CARD10: variants seen among roughly 807,000 people sequenced by gnomAD.
The protein encoded by CARD10 is caspase recruitment domain family member 10, also known as caspase recruitment domain-containing protein 10.
In CARD10, 49 loss-of-function variants were observed where a neutral mutation model predicts 114.6. That is an observed-to-expected ratio of 0.43 (90% confidence interval 0.34 to 0.54). CARD10 has a LOEUF of 0.54. Ranked by LOEUF, CARD10 falls within the 20% of genes least tolerant of loss-of-function variation. CARD10 has a pLI of 0.03. For synonymous variants in CARD10, 602 were observed against 593.2 expected (o/e 1.01, Z -0.21); for missense variants, 1,206 against 1,397.2 (o/e 0.86, Z 2.18).
rs1922820689 is a variant in CARD10 at position 37,492,007 on chromosome 22, G to A, written c.2752-140C>T. The A allele has an allele frequency of 1.1e-5, 7 of 649,150 alleles. No homozygotes were observed. The highest frequency in any genetic ancestry group is 3.5e-4 in the Middle Eastern group (1 of 2,878). 40.2% of individuals were successfully genotyped at this position (649,150 alleles called of 1,614,324 possible). On this transcript the variant is annotated intron_variant, in intron 18 of 19. Transcript: ENST00000251973. The surrounding 1 kb of genome is among the most constrained non-coding windows in gnomAD (Gnocchi z 5.7). ...CCACCCAGAGGGACCCTGGCAACGA[G>A]GAAGGAGCCCAAAAGTACAGACAAG...
At chr22:37,498,351 G>C (rs930645283) in intron 11 of CARD10, among the ~76,000 whole-genome samples, 2 of 152,214 alleles carry the variant, frequency 1.3e-5, no homozygotes, top group African/African-American at 4.8e-5. Flanking sequence ...CCTGTCCCTG[G>C]ATGAGAAAAG....
At position 37,506,373 on chromosome 22, in the gene CARD10, C is replaced by T; in HGVS notation, c.1202G>A (p.Ser401Asn). ...IEKERDQAIQ[S>N]RDRIQLQYSQ... ...GTACTGCAACTGGATCCGGTCACGG[C>T]TCTGGATGGCCTAGGGTTGGGGGAG... is the stretch of plus-strand genomic sequence containing the variant. The change falls in exon 7 of 20, where the codon AGC becomes AAC. Residue 401 changes from serine (S) to asparagine (N), a missense_variant. Coordinates refer to ENST00000251973, the MANE Select transcript of CARD10 (RefSeq NM_014550.4). The T allele has an allele frequency of 6.3e-7, 1 of 1,586,044 alleles. No individual in the cohort carries two copies. The highest frequency in any genetic ancestry group is 2.3e-5 in the East Asian group (1 of 43,438).
In CARD10 at chr22:37,501,216, C is replaced by T. The variant is rs1205365069; in HGVS notation, c.1787+1386G>A. Among the ~76,000 whole-genome samples, 1 of 152,170 alleles carries T rather than the reference C, an allele frequency of 6.6e-6. No homozygotes were observed. The highest frequency in any genetic ancestry group is 1.5e-5 in the Non-Finnish European group (1 of 68,012). ...TGTGTTCTTCCCCAGGAACCTCTCT[C>T]CTCCCCAGGAACAGCATGGGCAGCA... On this transcript the variant is annotated intron_variant, in intron 11 of 19. Coordinates refer to ENST00000251973, the MANE Select transcript of CARD10 (RefSeq NM_014550.4). This position sits in a 1 kb window ranked among gnomAD's most constrained non-coding sequence, Gnocchi z 5.4.
chr22:37,491,438 C>G (rs1922771527), intron 19 of CARD10, 45 bp from the exon 20 acceptor site: 1 of 1,361,836 alleles, frequency 7.3e-7, no homozygotes, highest in Non-Finnish European at 9.7e-7. Flanking sequence ...GGGACCAAGA[C>G]AGACAGAGAG....
In CARD10 at chr22:37,491,106, A is replaced by T; in HGVS notation, c.*53T>A. 1.4e-6 allele frequency: 2 copies of T among 1,405,640 alleles called. No homozygotes were observed. Among genetic ancestry groups the T allele is most frequent in the South Asian group, 1.2e-5 (1 of 80,460 alleles). 87.1% of individuals were successfully genotyped at this position (1,405,640 alleles called of 1,614,324 possible). A position where few individuals can be genotyped will look rare whatever the true frequency, so the allele number is the denominator to read the frequency against. On this transcript the variant is annotated 3_prime_UTR_variant, in exon 20 of 20. Transcript: ENST00000251973. ...GGGTGGGAGGGCCCAGCTTCACCAT[A>T]GACACCAGGGTCCACGCTGGCTTGG...
chr22:37,510,429 C>T lies in CARD10; in HGVS notation c.700-8G>A, dbSNP rs1452770431. ...GAGCTTGAGCTGATCCACCTGGAGCCCAAGACATGGGTCAGCCCAGAGGGA... is the reference window on the plus strand; with the variant it reads ...GAGCTTGAGCTGATCCACCTGGAGCTCAAGACATGGGTCAGCCCAGAGGGA... On this transcript the variant is annotated splice_region_variant and splice_polypyrimidine_tract_variant and intron_variant, in intron 3 of 19. Coordinates refer to ENST00000251973, the MANE Select transcript of CARD10 (RefSeq NM_014550.4). 6.2e-7 allele frequency: 1 copy of T among 1,612,958 alleles called. No homozygotes were observed. The highest frequency in any genetic ancestry group is 8.5e-7 in the Non-Finnish European group (1 of 1,179,656).
At position 37,504,772 on chromosome 22, in the gene CARD10, G is replaced by A. The variant is rs1923346422; in HGVS notation, c.1384-3C>T. On this transcript the variant is annotated splice_region_variant and splice_polypyrimidine_tract_variant and intron_variant, in intron 7 of 19. Transcript: ENST00000251973. ...AGGGAATGGGAGGAGGCACAGGCCT[G>A]GAAGAGGGAGAGGAGAGGAAGGAGG... 3 of 1,522,590 alleles carry A rather than the reference G, an allele frequency of 2.0e-6. No individual in the cohort carries two copies. Among genetic ancestry groups the A allele is most frequent in the African/African-American group, 1.4e-5 (1 of 71,168 alleles). 94.3% of individuals were successfully genotyped at this position (1,522,590 alleles called of 1,614,324 possible).
In CARD10 at chr22:37,494,191, G is replaced by A. The variant is rs781380518; in HGVS notation, c.2374-3C>T. Reference sequence around the variant, plus strand: ...TGGTCCAGGGCTCTCTTCTTCAGCTGGGAGGGTGCAGGGACAGAGGAGCAT... The same window carrying A: ...TGGTCCAGGGCTCTCTTCTTCAGCTAGGAGGGTGCAGGGACAGAGGAGCAT... On this transcript the variant is annotated splice_region_variant and splice_polypyrimidine_tract_variant and intron_variant, in intron 15 of 19. Coordinates refer to ENST00000251973, the MANE Select transcript of CARD10 (RefSeq NM_014550.4). 7 of 1,548,986 alleles carry A rather than the reference G, an allele frequency of 4.5e-6. No homozygotes were observed. The highest frequency in any genetic ancestry group is 2.0e-5 in the Admixed American group (1 of 51,186).
In CARD10 at chr22:37,507,327, C is replaced by T. The variant is rs565382817; in HGVS notation, c.1191+502G>A. Among the ~76,000 whole-genome samples, 10 of 152,298 alleles carry T rather than the reference C, an allele frequency of 6.6e-5. No homozygotes were observed. In the South Asian group the frequency reaches 2.1e-3, roughly 32 times the overall value. ...TCAACTCCTCTAGTGGGATTCACAC[C>T]TGGTTAAGGACAAAAACCTCCTGCC... On this transcript the variant is annotated intron_variant, in intron 6 of 19. Coordinates refer to ENST00000251973, the MANE Select transcript of CARD10 (RefSeq NM_014550.4).
chr22:37,515,581 A>C (rs1312806941), intron 3 of CARD10, among the ~76,000 whole-genome samples: 2 of 151,934 alleles, frequency 1.3e-5, no homozygotes, highest in Non-Finnish European at 2.9e-5. Flanking sequence ...AAAAAAAAAA[A>C]AACAACTTAT....
chr22:37,508,577 G>A lies in CARD10; in HGVS notation c.1015C>T (p.Leu339=). The A allele has an allele frequency of 2.5e-6, 4 of 1,597,268 alleles. No individual in the cohort carries two copies. The highest frequency in any genetic ancestry group is 1.7e-6 in the Non-Finnish European group (2 of 1,177,280). ...QDSRQELCQK[L]HAVQGELQWA... ...TGCAGCTCCCCCTGCACGGCATGCA[G>A]CTTCTGGCACAGCTCCTGCCTGCTG... Residue 339 remains leucine (L), a synonymous_variant, in exon 5 of 20, where the codon CTG becomes TTG. Coordinates refer to ENST00000251973, the MANE Select transcript of CARD10 (RefSeq NM_014550.4).
At chr22:37,498,332 A>G (rs1923081586) in intron 11 of CARD10, among the ~76,000 whole-genome samples, 1 of 152,188 alleles carries the variant, frequency 6.6e-6, no homozygotes, top group Admixed American at 6.5e-5. Context: ...CCATCATGGT[A>G]GGGTTCTGCC....
intron 10 of CARD10, 139 bp downstream of exon 10, chr22:37,503,046 G>A: frequency 4.1e-6 from 4 of 972,378 alleles, no homozygotes; most frequent in Non-Finnish European, 6.3e-6. Flanking sequence ...CAACCTTCCT[G>A]CCTGGCAGGG....
chr22:37,497,691 A>G lies in CARD10; in HGVS notation c.1788-513T>C, dbSNP rs937462188. ...AGCCTGGCCAACATAGTGAAACCCC[A>G]TCTCTACTAAAAATACAAAAAAATT... is the stretch of plus-strand genomic sequence containing the variant. On this transcript the variant is annotated intron_variant, in intron 11 of 19. Transcript: ENST00000251973. 3.9e-5 allele frequency among the ~76,000 whole-genome samples: 6 copies of G among 151,940 alleles called. No individual in the cohort carries two copies. In the South Asian group the frequency reaches 1.2e-3, roughly 32 times the overall value.
Position 37,495,804 on chromosome 22 carries a change from G to A in CARD10, c.2259C>T (p.Leu753=). ...TGCCCCGGTCCAGGTCCCGCAGAGT[G>A]AGGGGGTCAACCCGGGTGCAGAACC... ...QEWFCTRVDP[L]TLRDLDRGTV... is the part of the protein sequence containing the mutation. The change falls in exon 14 of 20, where the codon CTC becomes CTT. Residue 753 remains leucine, a synonymous_variant. Coordinates refer to ENST00000251973, the MANE Select transcript of CARD10 (RefSeq NM_014550.4). The A allele has an allele frequency of 1.2e-6, 2 of 1,614,028 alleles. No homozygotes were observed. The highest frequency in any genetic ancestry group is 1.3e-5 in the African/African-American group (1 of 75,080).
chr22:37,499,462 C>T (rs1923133531), intron 11 of CARD10, among the ~76,000 whole-genome samples: 1 of 152,106 alleles, frequency 6.6e-6, no homozygotes, highest in Admixed American at 6.5e-5. Flanking sequence ...AGACCAGAGC[C>T]CAGTAAGCAG....
In CARD10 at chr22:37,495,507, C is replaced by G; in HGVS notation, c.2373+10G>C. The stretch of plus-strand genomic sequence containing the variant: ...GGCCCCCCACCCACTACCTGCCCAG[C>G]CGTGCTCACATTACTGCGGGGGCCT... On this transcript the variant is annotated intron_variant, in intron 15 of 19. Coordinates refer to ENST00000251973, the MANE Select transcript of CARD10 (RefSeq NM_014550.4). 6.2e-7 allele frequency: 1 copy of G among 1,605,480 alleles called. No homozygotes were observed. The highest frequency in any genetic ancestry group is 8.5e-7 in the Non-Finnish European group (1 of 1,176,782).
intron 3 of CARD10, among the ~76,000 whole-genome samples, chr22:37,512,940 G>A (rs972379822): frequency 1.3e-5 from 2 of 152,122 alleles, no homozygotes; most frequent in Non-Finnish European, 2.9e-5. Flanking sequence ...AATCCCAGCC[G>A]CCACACACCT....
chr22:37,508,876 C>T, intron 4 of CARD10, 194 bp from the exon 5 acceptor site: 1 of 1,259,162 alleles, frequency 7.9e-7, no homozygotes, highest in Non-Finnish European at 1.1e-6. Flanking sequence ...AAGCCCTACC[C>T]ACCCTCCAGG....
Sources: allele counts gnomAD v4.1 joint callset (sites outside exome capture counted in the v4.1 genomes callset), GRCh38; gene constraint gnomAD v4.1.1; non-coding constraint Gnocchi (gnomAD v3.1); transcripts MANE v1.5; gene names NCBI Gene and HGNC (gene_info 2026-07-23, HGNC 2026-07-21).